STX18: variants seen among roughly 807,000 people sequenced by gnomAD.
STX18 encodes the protein syntaxin-18.
In STX18, 40 loss-of-function variants were observed where a neutral mutation model predicts 50.1. The ratio of observed to expected loss-of-function variants is 0.80; its 90% CI spans 0.62 to 1.04. The LOEUF is 1.04. Among genes scored for constraint, STX18 ranks in the 50% least tolerant of loss-of-function variants. STX18 has a pLI of 0.00. For missense variants in STX18, 410 were observed against 415.8 expected (o/e 0.99, Z 0.12); for synonymous variants, 158 against 151.8 (o/e 1.04, Z -0.30).
intron 1 of STX18, among the ~76,000 whole-genome samples, chr4:4,496,270 G>C (rs1729161654): frequency 6.6e-6 from 1 of 152,056 alleles, no homozygotes; most frequent in Non-Finnish European, 1.5e-5. Context: ...GGATGAACTG[G>C]CACCCAAAAA....
chr4:4,486,303 G>T (rs555709429), intron 1 of STX18, among the ~76,000 whole-genome samples: 8 of 152,206 alleles, frequency 5.3e-5, no homozygotes, highest in Admixed American at 2.0e-4. Flanking sequence ...TCAGACTTAG[G>T]GCATTTCAGC....
intron 3 of STX18, 118 bp downstream of exon 3, chr4:4,459,254 G>A (rs770329958): frequency 2.2e-5 from 16 of 731,484 alleles, no homozygotes; most frequent in Admixed American, 1.4e-4. Flanking sequence ...AGATTTTAAC[G>A]TTTTAAAACC....
intron 1 of STX18, among the ~76,000 whole-genome samples, chr4:4,495,214 T>C (rs191953457): frequency 6.6e-6 from 1 of 152,130 alleles, no homozygotes; most frequent in South Asian, 2.1e-4. Flanking sequence ...GAGGATGAAA[T>C]GCAAAGGGCC....
intron 2 of STX18, among the ~76,000 whole-genome samples, chr4:4,469,563 G>T (rs975464568): frequency 2.6e-5 from 4 of 152,074 alleles, no homozygotes; most frequent in African/African-American, 4.8e-5. Flanking sequence ...ATGAGATAAA[G>T]GATATGCTTG....
intron 1 of STX18, among the ~76,000 whole-genome samples, chr4:4,537,187 T>C (rs931089174): frequency 1.3e-5 from 2 of 152,224 alleles, no homozygotes; most frequent in Non-Finnish European, 2.9e-5. Flanking sequence ...GAGGCATCTC[T>C]AGGCCTATCC....
rs972313669 is a variant in STX18, at chr4:4,419,092, C to T, written c.*942G>A. 3.3e-5 allele frequency: 5 copies of T among 152,262 alleles called. No homozygotes were observed. Among genetic ancestry groups the T allele is most frequent in the East Asian group, 1.9e-4 (1 of 5,198 alleles). The allele number at this position is 152,262 out of a possible 1,614,324, so 9.4% of individuals were successfully genotyped here. On this transcript the variant is annotated 3_prime_UTR_variant, in exon 11 of 11. Transcript: ENST00000306200. ...GCCCAGTGGACTGTCTGTACACACA[C>T]GCATTTCACCAGGCGCAGTGCAGAC...
At chr4:4,496,715 T>C (rs1729192653) in intron 1 of STX18, among the ~76,000 whole-genome samples, 1 of 152,226 alleles carries the variant, frequency 6.6e-6, no homozygotes, top group Non-Finnish European at 1.5e-5. Flanking sequence ...ATCTTCTCTC[T>C]AATCCTTTCT....
intron 1 of STX18, among the ~76,000 whole-genome samples, chr4:4,535,460 A>G (rs1236911323): frequency 6.6e-6 from 1 of 152,152 alleles, no homozygotes; most frequent in Non-Finnish European, 1.5e-5. Flanking sequence ...CAGCATCATG[A>G]AGCTAAAACA....
At chr4:4,434,968 G>GT (rs1725699763) in intron 6 of STX18, 110 bp from the exon 7 acceptor site, 1 of 714,300 alleles carries the variant, frequency 1.4e-6, no homozygotes, top group African/African-American at 1.8e-5. Flanking sequence ...TTACAGCTTT[G>GT]TCTATATATT....
intron 1 of STX18, among the ~76,000 whole-genome samples, chr4:4,517,907 T>C (rs555014724): frequency 5.9e-5 from 9 of 152,196 alleles, no homozygotes; most frequent in Admixed American, 3.3e-4. Flanking sequence ...CCTGAGGAGC[T>C]GGGATTACAG....
intron 1 of STX18, among the ~76,000 whole-genome samples, chr4:4,503,813 A>AT (rs1388822577): frequency 6.6e-6 from 1 of 152,210 alleles, no homozygotes; most frequent in Non-Finnish European, 1.5e-5. Context: ...ATGATGGTGG[A>AT]TATCAAATAT....
chr4:4,527,860 A>C (rs1730861611), intron 1 of STX18, among the ~76,000 whole-genome samples: 1 of 141,498 alleles, frequency 7.1e-6, no homozygotes, highest in Non-Finnish European at 1.5e-5. Context: ...ATACACACAC[A>C]CACACACATA....
intron 5 of STX18, among the ~76,000 whole-genome samples, chr4:4,456,303 A>C (rs1172021882): frequency 2.0e-5 from 3 of 152,264 alleles, no homozygotes; most frequent in Non-Finnish European, 2.9e-5. Context: ...ATGTGTCCCC[A>C]AACAGTTATG....
chr4:4,541,653 G>T, intron 1 of STX18, 144 bp downstream of exon 1: 1 of 811,634 alleles, frequency 1.2e-6, no homozygotes, highest in Non-Finnish European at 1.8e-6. Context: ...AAAGCTGTAG[G>T]GTCTCTGAGG....
At chr4:4,514,454 A>G (rs1423431031) in intron 1 of STX18, among the ~76,000 whole-genome samples, 4 of 152,208 alleles carry the variant, frequency 2.6e-5, no homozygotes, top group African/African-American at 9.6e-5. Context: ...AAAGAGAGTT[A>G]TATGTTATTT....
chr4:4,424,806 G>A (rs918099092), intron 8 of STX18, among the ~76,000 whole-genome samples: 1 of 152,206 alleles, frequency 6.6e-6, no homozygotes, highest in Non-Finnish European at 1.5e-5. Context: ...GCTTCCCTTG[G>A]TTAGCTGCCC....
chr4:4,496,624 T>C (rs1204570320), intron 1 of STX18, among the ~76,000 whole-genome samples: 2 of 152,204 alleles, frequency 1.3e-5, no homozygotes, highest in African/African-American at 2.4e-5. Context: ...ATTTGTGCTA[T>C]TTTATAATCA....
At chr4:4,507,459 G>T in intron 1 of STX18, 3 of 761,366 alleles carry the variant, frequency 3.9e-6, no homozygotes, top group South Asian at 1.3e-5. Flanking sequence ...TGGAGAAAAA[G>T]TTCAGTGGAA....
At chr4:4,423,640 A>T in intron 8 of STX18, 53 bp from the exon 9 acceptor site, 1 of 1,552,542 alleles carries the variant, frequency 6.4e-7, no homozygotes, top group Non-Finnish European at 8.9e-7. Flanking sequence ...GTAATCTAAC[A>T]GGACTGTTAC....
Sources: allele counts gnomAD v4.1 joint callset (sites outside exome capture counted in the v4.1 genomes callset), GRCh38; gene constraint gnomAD v4.1.1; transcripts MANE v1.5; gene names NCBI Gene and HGNC (gene_info 2026-07-23, HGNC 2026-07-21).